The following MAPK14 variants were observed in gnomAD, a reference collection of about 807,000 sequenced individuals.
The protein encoded by MAPK14 is CSAID-binding protein.
MAPK14 carries 16 observed loss-of-function variants against 49.6 expected under a neutral mutation model. The ratio of observed to expected loss-of-function variants is 0.32; its 90% CI spans 0.22 to 0.49. The LOEUF is 0.49. MAPK14 is among the 20% of genes least tolerant of loss of function. The pLI, the probability that MAPK14 is intolerant of heterozygous loss-of-function variation, is 0.99. For synonymous variants in MAPK14, 142 were observed against 158.0 expected, an observed-to-expected ratio of 0.90 and a Z score of 0.76; for missense variants, 200 against 441.2, an observed-to-expected ratio of 0.45 and a Z score of 4.90.
At chr6:36,062,543 G>C (rs1024475876) in intron 3 of MAPK14, among the ~76,000 whole-genome samples, 16 of 151,812 alleles carry the variant, frequency 1.1e-4, no homozygotes, top group Non-Finnish European at 4.4e-5. Flanking sequence ...GGCTAGAGTG[G>C]TTCTACAAGC....
chr6:36,037,637 A>G lies in MAPK14; in HGVS notation c.116+9364A>G, dbSNP rs570340148. ...GTGCCTACCATGTATGGTTTGCCGT[A>G]AGTGCTGGAGATGAAATGTGAACAA... On this transcript the variant is annotated intron_variant, in intron 1 of 11. Coordinates refer to ENST00000229794, the MANE Select transcript of MAPK14 (RefSeq NM_139012.3). Among the ~76,000 whole-genome samples the G allele has an allele frequency of 3.9e-5, 6 of 152,222 alleles. No individual in the cohort carries two copies. In the South Asian group the frequency reaches 1.2e-3, roughly 32 times the overall value.
intron 1 of MAPK14, among the ~76,000 whole-genome samples, chr6:36,043,840 C>T (rs1204066734): frequency 8.7e-5 from 7 of 80,714 alleles, no homozygotes; most frequent in Admixed American, 2.0e-4. Context: ...GATGGAGTTT[C>T]GCTCTTGTTG....
chr6:36,099,823 A>G (rs993045782), intron 9 of MAPK14, among the ~76,000 whole-genome samples: 2 of 152,204 alleles, frequency 1.3e-5, no homozygotes, highest in African/African-American at 4.8e-5. Context: ...TTTTGGAATC[A>G]TCTATATTTC....
At chr6:36,122,969 C>T in the MAPK14 span, among the ~76,000 whole-genome samples, 50 of 151,942 alleles carry the variant, frequency 3.3e-4, no homozygotes, top group Admixed American at 2.4e-3. Flanking sequence ...GAGGGGGAAG[C>T]GGGTGGTGTG....
At chr6:36,098,108 TAAAA>T (rs1343201519) in intron 9 of MAPK14, 1 of 151,494 alleles carries the variant, frequency 6.6e-6, no homozygotes. Context: ...TTTTAAAAAT[TAAAA>T]AAAGAAAAAA....
chr6:36,105,191 A>G (rs1354261595), intron 10 of MAPK14, among the ~76,000 whole-genome samples: 1 of 152,178 alleles, frequency 6.6e-6, no homozygotes, highest in Non-Finnish European at 1.5e-5. Flanking sequence ...TTCCCAAAAC[A>G]TGAATTAAAA....
chr6:36,045,207 A>G (rs1047303894), intron 1 of MAPK14, among the ~76,000 whole-genome samples: 12 of 152,088 alleles, frequency 7.9e-5, no homozygotes, highest in Middle Eastern at 3.2e-3. Flanking sequence ...TTTTGGCCTT[A>G]CGACAGCAAT....
intron 1 of MAPK14, among the ~76,000 whole-genome samples, chr6:36,042,825 A>G (rs913699441): frequency 1.3e-5 from 2 of 151,902 alleles, no homozygotes; most frequent in Non-Finnish European, 2.9e-5. Context: ...AAATCATTCT[A>G]CTTTCATTTG....
chr6:36,065,142 A>G (rs1763994844), intron 3 of MAPK14, among the ~76,000 whole-genome samples: 1 of 152,118 alleles, frequency 6.6e-6, no homozygotes, highest in Admixed American at 6.5e-5. Context: ...TAGTACCCCT[A>G]CTGTCACTGT....
At chr6:36,122,901 C>T in the MAPK14 span, among the ~76,000 whole-genome samples, 11 of 152,204 alleles carry the variant, frequency 7.2e-5, no homozygotes, top group Non-Finnish European at 1.3e-4. Context: ...AGCTACCTCT[C>T]TACTGGCTCA....
At chr6:36,099,386 C>T (rs143949346) in intron 9 of MAPK14, among the ~76,000 whole-genome samples, 1 of 152,124 alleles carries the variant, frequency 6.6e-6, no homozygotes, top group Non-Finnish European at 1.5e-5. Flanking sequence ...TACATATGTG[C>T]CTATACATAT....
chr6:36,088,721 CAA>C (rs553619006), intron 8 of MAPK14, among the ~76,000 whole-genome samples: 11 of 95,832 alleles, frequency 1.1e-4, no homozygotes, highest in Non-Finnish European at 1.3e-4. Flanking sequence ...GACTCCGTCT[CAA>C]AAAAAAAAAA....
intron 1 of MAPK14, among the ~76,000 whole-genome samples, chr6:36,035,157 A>G (rs1762693558): frequency 6.6e-6 from 1 of 152,154 alleles, no homozygotes; most frequent in Admixed American, 6.5e-5. Flanking sequence ...TTGGCCTCCC[A>G]AAGTGCTGGG....
At chr6:36,092,495 T>C (rs2127463863) in intron 8 of MAPK14, 1 of 578,234 alleles carries the variant, frequency 1.7e-6, no homozygotes. Flanking sequence ...CTTTCCTGGT[T>C]GTATGTTTCA....
At chr6:36,057,014 G>A (rs781705029) in intron 2 of MAPK14, among the ~76,000 whole-genome samples, 2 of 152,164 alleles carry the variant, frequency 1.3e-5, no homozygotes, top group African/African-American at 4.8e-5. Context: ...GAGGTCACAG[G>A]TACTCTATTG....
At chr6:36,067,404 C>T (rs962212505) in intron 3 of MAPK14, among the ~76,000 whole-genome samples, 6 of 152,188 alleles carry the variant, frequency 3.9e-5, no homozygotes, top group East Asian at 1.9e-4. Flanking sequence ...ATCTGTCTTT[C>T]CCACTGCTGC....
chr6:36,092,165 G>A, intron 8 of MAPK14: 1 of 526,764 alleles, frequency 1.9e-6, no homozygotes, highest in South Asian at 1.4e-5. Context: ...CCATCCCCTG[G>A]CTTTGGCTTG....
At chr6:36,036,484 A>G (rs1762755400) in intron 1 of MAPK14, among the ~76,000 whole-genome samples, 2 of 152,330 alleles carry the variant, frequency 1.3e-5, no homozygotes, top group South Asian at 4.1e-4. Context: ...AAATGCTATC[A>G]AACACCATTG....
the MAPK14 span, among the ~76,000 whole-genome samples, chr6:36,116,358 G>C: frequency 3.3e-5 from 5 of 150,938 alleles, no homozygotes; most frequent in African/African-American, 9.7e-5. Context: ...TTTTTGGACA[G>C]GGTCTCAGTC....
Sources: allele counts gnomAD v4.1 joint callset (sites outside exome capture counted in the v4.1 genomes callset), GRCh38; gene constraint gnomAD v4.1.1; transcripts MANE v1.5; gene names NCBI Gene and HGNC (gene_info 2026-07-23, HGNC 2026-07-21).